ATXN1: variants seen among roughly 807,000 people sequenced by gnomAD.
ATXN1 encodes the protein ataxin 1, also known as ataxin-1.
A neutral mutation model predicts 56.4 loss-of-function variants in ATXN1; 8 were observed. The observed-to-expected ratio is 0.14, with a 90% CI of 0.08 to 0.26. The LOEUF is 0.26. Among genes scored for constraint, ATXN1 ranks in the 10% least tolerant of loss-of-function variants. The pLI, the probability that ATXN1 is intolerant of heterozygous loss-of-function variation, is 1.00. For missense variants in ATXN1, 987 were observed against 1,106.5 expected, an observed-to-expected ratio of 0.89 and a Z score of 1.53; for synonymous variants, 514 against 494.6, an observed-to-expected ratio of 1.04 and a Z score of -0.52.
chr6:16,621,622 G>A (rs1041002239), intron 3 of ATXN1, among the ~76,000 whole-genome samples: 1 of 152,106 alleles, frequency 6.6e-6, no homozygotes, highest in Non-Finnish European at 1.5e-5. Flanking sequence ...TAGGGAGGCT[G>A]AGGCTTGAAC....
intron 4 of ATXN1, among the ~76,000 whole-genome samples, chr6:16,580,878 A>G (rs3806140): frequency 0.019 from 2,868 of 152,318 alleles, 46 homozygotes; most frequent in East Asian, 0.06. Context: ...TATGGAGGCT[A>G]TCTACAGATT....
intron 6 of ATXN1, among the ~76,000 whole-genome samples, chr6:16,356,993 A>C (rs1761700727): frequency 6.6e-6 from 1 of 152,204 alleles, no homozygotes; most frequent in African/African-American, 2.4e-5. Flanking sequence ...AGTAATATGT[A>C]CACCACACCA....
intron 6 of ATXN1, among the ~76,000 whole-genome samples, chr6:16,438,369 A>T (rs547872679): frequency 6.6e-6 from 1 of 152,362 alleles, no homozygotes; most frequent in African/African-American, 2.4e-5. Flanking sequence ...AGAAATAAAA[A>T]TTTCTTGTTT....
At chr6:16,533,348 T>C (rs1322350640) in intron 4 of ATXN1, among the ~76,000 whole-genome samples, 2 of 152,198 alleles carry the variant, frequency 1.3e-5, no homozygotes, top group African/African-American at 2.4e-5. Flanking sequence ...GGTTGGTTTA[T>C]GGGAGGCAGC....
chr6:16,365,829 C>T (rs1761906669), intron 6 of ATXN1, among the ~76,000 whole-genome samples: 1 of 152,192 alleles, frequency 6.6e-6, no homozygotes, highest in Admixed American at 6.5e-5. Context: ...TCCTGCTGCT[C>T]TTCCACATTT....
At position 16,328,045 on chromosome 6, in the gene ATXN1, G is replaced by C; in HGVS notation, c.266C>G (p.Pro89Arg). The C allele has an allele frequency of 6.2e-7, 1 of 1,613,690 alleles. No individual in the cohort carries two copies. The highest frequency in any genetic ancestry group is 8.5e-7 in the Non-Finnish European group (1 of 1,179,744). ...KALSTGLDYS[P>R]PSAPRSVPVA... ...GGGGACAGACCTGGGAGCGCTGGGC[G>C]GGGAGTAGTCCAGCCCTGTGGACAA... Residue 89 changes from proline to arginine, a missense_variant, in exon 7 of 8, where the codon CCG becomes CGG. By Grantham distance (103) the Pro-to-Arg change is moderately radical (BLOSUM62 -2). Coordinates refer to ENST00000436367, the MANE Select transcript of ATXN1 (RefSeq NM_001128164.2). This position sits in a 1 kb window ranked among gnomAD's most constrained non-coding sequence, Gnocchi z 6.2.
intron 6 of ATXN1, among the ~76,000 whole-genome samples, chr6:16,473,152 AT>A (rs1760252937): frequency 6.6e-6 from 1 of 152,138 alleles, no homozygotes; most frequent in Non-Finnish European, 1.5e-5. Context: ...TTGGCAAATT[AT>A]TATCTGCATC....
At chr6:16,704,186 A>T (rs568544713) in intron 2 of ATXN1, among the ~76,000 whole-genome samples, 17 of 152,328 alleles carry the variant, frequency 1.1e-4, no homozygotes, top group South Asian at 6.2e-4. Flanking sequence ...AAAATAAAAA[A>T]CATGGAATTT....
intron 1 of ATXN1, among the ~76,000 whole-genome samples, chr6:16,757,231 C>A (rs974018893): frequency 2.6e-5 from 4 of 152,226 alleles, no homozygotes; most frequent in Admixed American, 2.6e-4. Context: ...AGTGTCACTT[C>A]TGTTTACCAA....
At chr6:16,509,565 T>C (rs1344549809) in intron 5 of ATXN1, among the ~76,000 whole-genome samples, 1 of 152,154 alleles carries the variant, frequency 6.6e-6, no homozygotes, top group African/African-American at 2.4e-5. Context: ...CTTCTGATCC[T>C]TCTCTCTCTG....
intron 1 of ATXN1, among the ~76,000 whole-genome samples, chr6:16,759,534 T>C (rs1015708497): frequency 7.2e-6 from 1 of 138,722 alleles, no homozygotes; most frequent in Admixed American, 7.0e-5. Flanking sequence ...CCGACTGTTT[T>C]TTTTTTTTTT....
In ATXN1 at chr6:16,300,416, A is replaced by C. The variant is rs1760056304; in HGVS notation, c.*5913T>G. 1 of 152,488 alleles carries C rather than the reference A, an allele frequency of 6.6e-6. No individual in the cohort carries two copies. Among genetic ancestry groups the C allele is most frequent in the African/African-American group, 2.4e-5 (1 of 41,334 alleles). 9.4% of individuals were successfully genotyped at this position (152,488 alleles called of 1,614,324 possible). On this transcript the variant is annotated 3_prime_UTR_variant, in exon 8 of 8. Coordinates refer to ENST00000436367, the MANE Select transcript of ATXN1 (RefSeq NM_001128164.2). ...TACCAGAACAGTTGCCTTCAACGAGAAGGGAGGGGACGAGATTCTGAATTT... is the reference window on the plus strand; with the variant it reads ...TACCAGAACAGTTGCCTTCAACGAGCAGGGAGGGGACGAGATTCTGAATTT...
intron 6 of ATXN1, among the ~76,000 whole-genome samples, chr6:16,404,726 C>T (rs1050928807): frequency 1.3e-5 from 2 of 151,722 alleles, no homozygotes; most frequent in Non-Finnish European, 2.9e-5. Flanking sequence ...ACACACTCCA[C>T]GTTGTTAGTT....
At chr6:16,442,624 T>C (rs1309761656) in intron 6 of ATXN1, among the ~76,000 whole-genome samples, 2 of 152,132 alleles carry the variant, frequency 1.3e-5, no homozygotes, top group Admixed American at 6.5e-5. Context: ...GTACTAAGAA[T>C]TTCAAAATCA....
At chr6:16,527,311 G>C (rs757319282) in intron 4 of ATXN1, among the ~76,000 whole-genome samples, 2 of 152,024 alleles carry the variant, frequency 1.3e-5, no homozygotes, top group Admixed American at 6.5e-5. Flanking sequence ...TGTGGAAATC[G>C]TGTCTCCAGC....
chr6:16,555,420 C>T (rs565369903), intron 4 of ATXN1, among the ~76,000 whole-genome samples: 20 of 152,300 alleles, frequency 1.3e-4, no homozygotes, highest in Middle Eastern at 3.4e-3. Flanking sequence ...CAGTGAGCTC[C>T]ATGCTTTTGG....
At chr6:16,602,490 G>C (rs565696128) in intron 3 of ATXN1, among the ~76,000 whole-genome samples, 1 of 148,276 alleles carries the variant, frequency 6.7e-6, no homozygotes, top group South Asian at 2.1e-4. Context: ...CTCGCTCTGT[G>C]ACCCAGGCTG....
intron 4 of ATXN1, among the ~76,000 whole-genome samples, chr6:16,532,980 C>A (rs1406532599): frequency 6.6e-6 from 1 of 152,146 alleles, no homozygotes; most frequent in African/African-American, 2.4e-5. Flanking sequence ...TGGAAGCAAC[C>A]TAAGTGTCCA....
At chr6:16,675,438 C>G (rs956683332) in intron 2 of ATXN1, among the ~76,000 whole-genome samples, 10 of 152,284 alleles carry the variant, frequency 6.6e-5, no homozygotes, top group Non-Finnish European at 1.0e-4. Flanking sequence ...CCCTTTCCCC[C>G]TTTCAGATAT....
Sources: allele counts gnomAD v4.1 joint callset (sites outside exome capture counted in the v4.1 genomes callset), GRCh38; gene constraint gnomAD v4.1.1; non-coding constraint Gnocchi (gnomAD v3.1); transcripts MANE v1.5; gene names NCBI Gene and HGNC (gene_info 2026-07-23, HGNC 2026-07-21).